INPP4B: variants seen among roughly 807,000 people sequenced by gnomAD.
INPP4B encodes inositol polyphosphate 4-phosphatase type II.
In INPP4B, 55 loss-of-function variants were observed where a neutral mutation model predicts 122.5. The observed-to-expected ratio is 0.45, with a 90% CI of 0.36 to 0.56. The LOEUF (loss-of-function observed/expected upper bound fraction) is 0.56, where lower values mean the gene tolerates loss of function less well. INPP4B is among the 20% of genes least tolerant of loss of function. The probability of loss-of-function intolerance (pLI) is 0.00; values close to 1 mark genes in which losing one functional copy is unlikely to be tolerated. For synonymous variants in INPP4B, 403 were observed against 388.7 expected, an observed-to-expected ratio of 1.04 and a Z score of -0.43; for missense variants, 1,000 against 1,097.7, an observed-to-expected ratio of 0.91 and a Z score of 1.26.
chr4:142,605,487 A>G (rs897266582), intron 2 of INPP4B, among the ~76,000 whole-genome samples: 7 of 152,042 alleles, frequency 4.6e-5, no homozygotes, highest in Non-Finnish European at 8.8e-5. Context: ...CGTTGAAGAG[A>G]CAACCTCTTG....
intron 1 of INPP4B, among the ~76,000 whole-genome samples, chr4:142,800,412 T>C (rs1777854576): frequency 6.6e-6 from 1 of 152,168 alleles, no homozygotes; most frequent in South Asian, 2.1e-4. Flanking sequence ...AAGAATTTGC[T>C]TTAACAAATC....
At chr4:142,323,614 T>G (rs374150151) in intron 7 of INPP4B, among the ~76,000 whole-genome samples, 2 of 151,816 alleles carry the variant, frequency 1.3e-5, no homozygotes, top group East Asian at 3.9e-4. Flanking sequence ...CCTGGCTAAT[T>G]TTTTGTATTT....
intron 3 of INPP4B, among the ~76,000 whole-genome samples, chr4:142,452,756 C>T (rs561931504): frequency 3.3e-5 from 5 of 152,274 alleles, no homozygotes; most frequent in South Asian, 4.1e-4. Context: ...GAAACTTTCA[C>T]AGGATGTTCT....
chr4:142,751,486 T>G (rs1266388603), intron 1 of INPP4B, among the ~76,000 whole-genome samples: 2 of 133,448 alleles, frequency 1.5e-5, no homozygotes, highest in African/African-American at 5.5e-5. Context: ...ATACTTTGTT[T>G]CCACTCTCTC....
Position 142,809,905 on chromosome 4 carries a change from C to T in INPP4B, c.-254+36304G>A, listed in dbSNP as rs7696768. On this transcript the variant is annotated intron_variant, in intron 1 of 25. Coordinates refer to ENST00000262992, the MANE Select transcript of INPP4B (RefSeq NM_001101669.3). The stretch of plus-strand genomic sequence containing the variant: ...TTATCATGGGCCAGGCACGGTGGCT[C>T]ATGCCTGTAATCTCAGCACTTTGGG... Among the ~76,000 whole-genome samples the T allele has an allele frequency of 8.3e-3, 1,269 of 152,084 alleles. 9 individuals are homozygous for T. The highest frequency in any genetic ancestry group is 0.013 in the Non-Finnish European group (885 of 67,970).
At chr4:142,627,195 C>T (rs1464549288) in intron 2 of INPP4B, among the ~76,000 whole-genome samples, 4 of 152,164 alleles carry the variant, frequency 2.6e-5, no homozygotes, top group Non-Finnish European at 5.9e-5. Context: ...ATGTCGTCTA[C>T]AAACAGGGAC....
At chr4:142,334,614 G>T (rs1775900356) in intron 7 of INPP4B, among the ~76,000 whole-genome samples, 1 of 152,098 alleles carries the variant, frequency 6.6e-6, no homozygotes, top group Admixed American at 6.6e-5. Context: ...GCCAACACTT[G>T]TTATCTCATG....
intron 25 of INPP4B, among the ~76,000 whole-genome samples, chr4:142,053,514 TC>T (rs1755786058): frequency 1.3e-5 from 2 of 152,082 alleles, no homozygotes; most frequent in South Asian, 4.1e-4. Context: ...AAAATTGTCA[TC>T]CTGACTTAGT....
intron 7 of INPP4B, among the ~76,000 whole-genome samples, chr4:142,373,174 G>A (rs1338338453): frequency 6.6e-6 from 1 of 152,020 alleles, no homozygotes; most frequent in African/African-American, 2.4e-5. Context: ...GCCAAGTCCT[G>A]TATGTGTCAT....
chr4:142,260,675 G>A, intron 10 of INPP4B, 111 bp from the exon 11 acceptor site: 1 of 682,766 alleles, frequency 1.5e-6, no homozygotes, highest in Non-Finnish European at 2.5e-6. Flanking sequence ...AAAAAGTTTT[G>A]AATAAAATAC....
At chr4:142,363,323 A>G (rs1490679369) in intron 7 of INPP4B, among the ~76,000 whole-genome samples, 1 of 151,908 alleles carries the variant, frequency 6.6e-6, no homozygotes, top group Non-Finnish European at 1.5e-5. Flanking sequence ...TAACACAAAA[A>G]GGGGCATATA....
intron 15 of INPP4B, among the ~76,000 whole-genome samples, chr4:142,190,957 T>C (rs1835536068): frequency 6.6e-6 from 1 of 152,176 alleles, no homozygotes; most frequent in South Asian, 2.1e-4. Flanking sequence ...GGATTCTGAC[T>C]ACCCTATGGG....
intron 2 of INPP4B, among the ~76,000 whole-genome samples, chr4:142,623,903 A>C (rs1471080602): frequency 5.3e-5 from 8 of 151,930 alleles, no homozygotes; most frequent in South Asian, 4.1e-4. Context: ...TGAACTCATC[A>C]TTTTTTATGG....
chr4:142,684,969 A>G (rs893940228), intron 2 of INPP4B, among the ~76,000 whole-genome samples: 1 of 152,098 alleles, frequency 6.6e-6, no homozygotes, highest in Non-Finnish European at 1.5e-5. Flanking sequence ...GGAATAAATC[A>G]AAGAACATAT....
intron 12 of INPP4B, among the ~76,000 whole-genome samples, chr4:142,222,058 C>T (rs1849604456): frequency 6.6e-6 from 1 of 152,244 alleles, no homozygotes; most frequent in Non-Finnish European, 1.5e-5. Flanking sequence ...CTCCTGGGCT[C>T]AAGCCATTCT....
chr4:142,060,576 C>CCACCA (rs1760099722), intron 25 of INPP4B, among the ~76,000 whole-genome samples: 1 of 152,158 alleles, frequency 6.6e-6, no homozygotes, highest in African/African-American at 2.4e-5. Context: ...GGGCCTGGTT[C>CCACCA]CACCACGTCT....
intron 1 of INPP4B, among the ~76,000 whole-genome samples, chr4:142,825,498 A>G (rs1274430768): frequency 2.0e-5 from 3 of 152,238 alleles, no homozygotes; most frequent in African/African-American, 4.8e-5. Flanking sequence ...ATCATATCAT[A>G]TATCATTGAA....
At chr4:142,309,701 G>A (rs1168627991) in intron 8 of INPP4B, among the ~76,000 whole-genome samples, 2 of 152,184 alleles carry the variant, frequency 1.3e-5, no homozygotes, top group African/African-American at 4.8e-5. Flanking sequence ...CTGCCTGCAC[G>A]ACATGCAGCT....
chr4:142,697,698 G>A (rs920206801), intron 2 of INPP4B, among the ~76,000 whole-genome samples: 7 of 152,280 alleles, frequency 4.6e-5, no homozygotes, highest in African/African-American at 1.7e-4. Flanking sequence ...AGGAACTGAA[G>A]AAAATGCAGC....
Sources: gnomAD v4.1 joint callset for allele counts (sites outside exome capture counted in the v4.1 genomes callset) on GRCh38, gnomAD v4.1.1 for gene constraint, MANE v1.5 for transcripts, NCBI Gene and HGNC (gene_info 2026-07-23, HGNC 2026-07-21) for gene names.